Variants in HERC1 observed in about 807,000 individuals in gnomAD.
HERC1 encodes the protein HECT and RLD domain containing E3 ubiquitin protein ligase family member 1.
Under a neutral mutation model 554.3 loss-of-function variants are expected in HERC1, and 160 were observed. The ratio of observed to expected loss-of-function variants is 0.29; its 90% CI spans 0.25 to 0.33. HERC1 has a LOEUF of 0.33. Ranked by LOEUF, HERC1 falls within the 10% of genes least tolerant of loss-of-function variation. HERC1 has a pLI of 1.00. For synonymous variants in HERC1, 2,175 were observed against 2,131.7 expected, an observed-to-expected ratio of 1.02 and a Z score of -0.56; for missense variants, 4,919 against 5,918.5, an observed-to-expected ratio of 0.83 and a Z score of 5.54.
chr15:63,774,607 T>C, intron 2 of HERC1, 87 bp downstream of exon 2: 4 of 955,222 alleles, frequency 4.2e-6, no homozygotes, highest in Non-Finnish European at 6.2e-6. Context: ...TCTCAAATCA[T>C]TCACTATTAC....
intron 26 of HERC1, among the ~76,000 whole-genome samples, chr15:63,698,190 T>C (rs1461039322): frequency 1.3e-5 from 2 of 152,058 alleles, no homozygotes; most frequent in African/African-American, 4.8e-5. Flanking sequence ...CCGAGGCAAG[T>C]GGATCACCTG....
rs142471563 is a variant in HERC1 at position 63,818,975 on chromosome 15, G to A, written c.-27+14852C>T. Among the ~76,000 whole-genome samples the A allele has an allele frequency of 9.7e-4, 147 of 152,166 alleles. 1 individual carries two copies. Among genetic ancestry groups the A allele is most frequent in the Non-Finnish European group, 1.8e-3 (120 of 67,994 alleles). On this transcript the variant is annotated intron_variant, in intron 1 of 77. Transcript: ENST00000443617. Reference sequence around the variant, plus strand: ...GTTTTAATCTAAATTTATGTAAAACGCCTAGGCTTTTGGTATAACAAACAT... The same window carrying A: ...GTTTTAATCTAAATTTATGTAAAACACCTAGGCTTTTGGTATAACAAACAT...
At chr15:63,812,496 T>C (rs1466304328) in intron 1 of HERC1, among the ~76,000 whole-genome samples, 1 of 152,200 alleles carries the variant, frequency 6.6e-6, no homozygotes, top group African/African-American at 2.4e-5. Context: ...AGTCACACTA[T>C]AAAGATCTGA....
intron 8 of HERC1, among the ~76,000 whole-genome samples, chr15:63,751,910 A>G (rs1166878880): frequency 6.6e-6 from 1 of 151,990 alleles, no homozygotes; most frequent in Non-Finnish European, 1.5e-5. Context: ...GAAACTCTCA[A>G]TTCTAATGAT....
chr15:63,833,012 C>T (rs1453395938), intron 1 of HERC1, among the ~76,000 whole-genome samples: 5 of 152,150 alleles, frequency 3.3e-5, no homozygotes, highest in African/African-American at 1.2e-4. Context: ...TGTTTCACAG[C>T]TCTCTAAGAT....
intron 34 of HERC1, among the ~76,000 whole-genome samples, chr15:63,686,128 A>C (rs1172332851): frequency 1.3e-5 from 2 of 152,194 alleles, no homozygotes; most frequent in Non-Finnish European, 2.9e-5. Context: ...GCATGATTTT[A>C]AACATCCATT....
At chr15:63,753,825 A>C (rs963738690) in intron 7 of HERC1, among the ~76,000 whole-genome samples, 6 of 152,150 alleles carry the variant, frequency 3.9e-5, no homozygotes, top group African/African-American at 1.4e-4. Flanking sequence ...CATCAAATAA[A>C]AGAACACTTC....
intron 1 of HERC1, among the ~76,000 whole-genome samples, chr15:63,804,344 G>C (rs1008190576): frequency 6.6e-6 from 1 of 152,166 alleles, no homozygotes; most frequent in Non-Finnish European, 1.5e-5. Flanking sequence ...CCAGCACTTT[G>C]GGAGGCTGAG....
At chr15:63,655,359 G>A (rs1447057937) in intron 50 of HERC1, among the ~76,000 whole-genome samples, 1 of 151,930 alleles carries the variant, frequency 6.6e-6, no homozygotes, top group Non-Finnish European at 1.5e-5. Flanking sequence ...GTCTCAAAAA[G>A]AAACAAAAAA....
Position 63,753,023 on chromosome 15 carries a change from C to T in HERC1, c.1837G>A (p.Gly613Arg). 1.2e-6 allele frequency: 2 copies of T among 1,613,452 alleles called. No homozygotes were observed. Among genetic ancestry groups the T allele is most frequent in the Non-Finnish European group, 1.7e-6 (2 of 1,179,570 alleles). The change falls in exon 8 of 78, where the codon GGA (glycine) becomes AGA (arginine). Residue 613 changes from glycine (G) to arginine (R), a missense_variant. Physicochemically the swap from Gly to Arg is moderately radical, Grantham distance 125 (BLOSUM62 -2). Coordinates refer to ENST00000443617, the MANE Select transcript of HERC1 (RefSeq NM_003922.4). The part of the protein sequence containing the change: ...YKPKVIEALQ[G>R]MFIRKVCAGS... ...GCACAAACTTTGCGAATGAACATTC[C>T]TTGTAAAGCTTCAATAACTTTAGGT...
In HERC1 at chr15:63,718,083, G is replaced by GACACACACAC. The variant is rs34069674; in HGVS notation, c.3978+481_3978+490dup. On this transcript the variant is annotated intron_variant, in intron 21 of 77. Coordinates refer to ENST00000443617, the MANE Select transcript of HERC1 (RefSeq NM_003922.4). This position sits in a 1 kb window ranked among gnomAD's most constrained non-coding sequence, Gnocchi z 4.2. ...AGTATTTTTAAGGCAGCTATTATGT[G>GACACACACAC]ACACACACACACACACACACACACA... is the stretch of plus-strand genomic sequence containing the variant. 3.7e-3 allele frequency among the ~76,000 whole-genome samples: 278 copies of GACACACACAC among 75,646 alleles called. 2 individuals are homozygous for GACACACACAC. The highest frequency in any genetic ancestry group is 5.5e-3 in the Non-Finnish European group (174 of 31,496). The allele number at this position is 75,646 out of a possible 152,430, so 49.6% of individuals were successfully genotyped here.
At chr15:63,716,530 A>G in intron 21 of HERC1, 57 bp from the exon 22 acceptor site, 2 of 1,342,774 alleles carry the variant, frequency 1.5e-6, no homozygotes, top group Non-Finnish European at 2.0e-6. Context: ...TCTTTTTAAA[A>G]CTTTAAAAAA....
intron 22 of HERC1, 59 bp from the exon 23 acceptor site, chr15:63,713,724 A>G: frequency 2.1e-6 from 3 of 1,438,182 alleles, no homozygotes; most frequent in African/African-American, 1.4e-5. Flanking sequence ...AGCAAAGAAA[A>G]TAACAATAAA....
rs536470358 is a variant in HERC1, at chr15:63,680,768, A to G, written c.6234T>C (p.Ile2078=). 6.2e-7 allele frequency: 1 copy of G among 1,609,598 alleles called. No homozygotes were observed. The highest frequency in any genetic ancestry group is 1.3e-5 in the African/African-American group (1 of 74,950). ...TSGCYQWKFY[I]VKENRGNEGT... is the part of the protein sequence containing the mutation. ...CTTCATTACCTCTGTTTTCCTTCAC[A>G]ATATAAAACTAAAATAAAAGTGGGA... The change falls in exon 35 of 78, where the codon ATT becomes ATC. Residue 2078 remains isoleucine, a synonymous_variant. Coordinates refer to ENST00000443617, the MANE Select transcript of HERC1 (RefSeq NM_003922.4). The surrounding 1 kb of genome is among the most constrained non-coding windows in gnomAD (Gnocchi z 5.8).
At chr15:63,667,002 G>C (rs1253606704) in intron 40 of HERC1, among the ~76,000 whole-genome samples, 1 of 152,170 alleles carries the variant, frequency 6.6e-6, no homozygotes, top group Non-Finnish European at 1.5e-5. Flanking sequence ...ATGGCCCCAA[G>C]CATAGTGCTA....
intron 68 of HERC1, chr15:63,632,426 A>C: frequency 2.2e-6 from 1 of 450,612 alleles, no homozygotes; most frequent in Admixed American, 3.6e-5. Flanking sequence ...TTGTGGCAGC[A>C]TGTCAAGGGC....
At chr15:63,779,138 A>G (rs1264695292) in intron 1 of HERC1, among the ~76,000 whole-genome samples, 2 of 152,082 alleles carry the variant, frequency 1.3e-5, no homozygotes, top group Non-Finnish European at 2.9e-5. Flanking sequence ...AAAAAGAATA[A>G]TATTCATATT....
chr15:63,656,526 C>T (rs943217427), intron 48 of HERC1, among the ~76,000 whole-genome samples, 168 bp from the exon 49 acceptor site: 1 of 152,228 alleles, frequency 6.6e-6, no homozygotes, highest in Non-Finnish European at 1.5e-5. Flanking sequence ...AAGCTGGAAA[C>T]TGGCATCTAA....
At chr15:63,793,925 A>C (rs903917702) in intron 1 of HERC1, among the ~76,000 whole-genome samples, 2 of 152,234 alleles carry the variant, frequency 1.3e-5, no homozygotes, top group African/African-American at 2.4e-5. Context: ...GGAGGTCAGC[A>C]CAAAATACAG....
Sources: gnomAD v4.1 joint callset for allele counts (sites outside exome capture counted in the v4.1 genomes callset) on GRCh38, gnomAD v4.1.1 for gene constraint, Gnocchi (gnomAD v3.1) non-coding constraint, MANE v1.5 for transcripts, NCBI Gene and HGNC (gene_info 2026-07-23, HGNC 2026-07-21) for gene names.